The following SUGCT variants were observed in gnomAD, a reference collection of about 807,000 sequenced individuals.
SUGCT encodes the protein succinyl-CoA:glutarate-CoA transferase.
In SUGCT, 41 loss-of-function variants were observed where a neutral mutation model predicts 55.0. The observed-to-expected ratio is 0.74, with a 90% confidence interval of 0.58 to 0.97. The LOEUF (loss-of-function observed/expected upper bound fraction) is 0.97. Ranked by LOEUF, SUGCT falls within the 50% of genes least tolerant of loss-of-function variation. The pLI is 0.00. For missense variants in SUGCT, 568 were observed against 547.8 expected (o/e 1.04, Z -0.37); for synonymous variants, 187 against 200.4 (o/e 0.93, Z 0.56).
chr7:40,326,615 C>T (rs1381175110), intron 9 of SUGCT, among the ~76,000 whole-genome samples: 2 of 152,018 alleles, frequency 1.3e-5, no homozygotes, highest in African/African-American at 4.8e-5. Flanking sequence ...AAATTGTAGC[C>T]TTCAGCTCAT....
At chr7:40,419,990 T>A (rs1004597855) in intron 9 of SUGCT, among the ~76,000 whole-genome samples, 5 of 152,176 alleles carry the variant, frequency 3.3e-5, no homozygotes, top group African/African-American at 4.8e-5. Context: ...AACCATGTGC[T>A]TTTTCTCCCT....
At chr7:40,279,950 C>T (rs1248913988) in intron 8 of SUGCT, among the ~76,000 whole-genome samples, 1 of 151,996 alleles carries the variant, frequency 6.6e-6, no homozygotes, top group Non-Finnish European at 1.5e-5. Flanking sequence ...CAATTTCATG[C>T]AGTAGTAAAA....
chr7:41,035,103 C>T, the SUGCT span, among the ~76,000 whole-genome samples: 1 of 152,204 alleles, frequency 6.6e-6, no homozygotes, highest in Admixed American at 6.5e-5. Context: ...TTCCTGTAGT[C>T]AGTAGAGGGG....
chr7:41,032,351 T>A, the SUGCT span, among the ~76,000 whole-genome samples: 2 of 152,084 alleles, frequency 1.3e-5, no homozygotes, highest in South Asian at 4.1e-4. Flanking sequence ...TTTTTTTTCT[T>A]TTTCAGTGGA....
intron 9 of SUGCT, among the ~76,000 whole-genome samples, chr7:40,334,407 G>T (rs1003823286): frequency 6.6e-6 from 1 of 152,124 alleles, no homozygotes. Context: ...TCCTCTCCCA[G>T]CACCTGTTGT....
intron 6 of SUGCT, among the ~76,000 whole-genome samples, chr7:40,216,813 G>A (rs1310263390): frequency 2.7e-5 from 4 of 150,920 alleles, no homozygotes; most frequent in South Asian, 2.1e-4. Context: ...CTGAGAGTGC[G>A]CCATTGCACT....
At chr7:40,178,411 G>A (rs1785027055) in intron 1 of SUGCT, among the ~76,000 whole-genome samples, 4 of 152,088 alleles carry the variant, frequency 2.6e-5, no homozygotes, top group African/African-American at 7.2e-5. Context: ...TAATTTTTCC[G>A]AGAAAGGATG....
intron 9 of SUGCT, among the ~76,000 whole-genome samples, chr7:40,330,169 G>A (rs1796234888): frequency 6.6e-6 from 1 of 152,200 alleles, no homozygotes; most frequent in South Asian, 2.1e-4. Flanking sequence ...CCTGAAATTA[G>A]CATCAGCCTC....
chr7:40,764,291 GA>G (rs1788671459), intron 13 of SUGCT, among the ~76,000 whole-genome samples: 1 of 152,028 alleles, frequency 6.6e-6, no homozygotes, highest in Non-Finnish European at 1.5e-5. Context: ...AATGTAGATT[GA>G]AAAAAATTAA....
intron 12 of SUGCT, among the ~76,000 whole-genome samples, chr7:40,512,914 G>C (rs1418989844): frequency 6.6e-6 from 1 of 152,058 alleles, no homozygotes; most frequent in Non-Finnish European, 1.5e-5. Flanking sequence ...TCAAATTGTA[G>C]CACCATATAC....
At chr7:40,714,386 C>T (rs1785900117) in intron 12 of SUGCT, among the ~76,000 whole-genome samples, 1 of 152,038 alleles carries the variant, frequency 6.6e-6, no homozygotes, top group Non-Finnish European at 1.5e-5. Flanking sequence ...AACATAACTA[C>T]TCATCCCCCA....
At chr7:40,667,609 C>T (rs529902070) in intron 12 of SUGCT, among the ~76,000 whole-genome samples, 21 of 148,162 alleles carry the variant, frequency 1.4e-4, no homozygotes, top group African/African-American at 3.7e-4. Context: ...TTTTTAATTA[C>T]GAATTCAGTT....
At chr7:40,594,764 C>T (rs1797914163) in intron 12 of SUGCT, among the ~76,000 whole-genome samples, 1 of 152,138 alleles carries the variant, frequency 6.6e-6, no homozygotes, top group Non-Finnish European at 1.5e-5. Flanking sequence ...TTCCCAAATC[C>T]CACATTTATG....
chr7:40,277,479 T>A (rs1420599608), intron 8 of SUGCT, among the ~76,000 whole-genome samples: 4 of 152,028 alleles, frequency 2.6e-5, no homozygotes, highest in Non-Finnish European at 2.9e-5. Flanking sequence ...CGTGAGCCAC[T>A]GCACCCAGCC....
chr7:41,011,041 G>A, the SUGCT span, among the ~76,000 whole-genome samples: 2 of 152,204 alleles, frequency 1.3e-5, no homozygotes, highest in African/African-American at 4.8e-5. Flanking sequence ...CCTTTGAAGG[G>A]TTTGGACATT....
intron 8 of SUGCT, among the ~76,000 whole-genome samples, chr7:40,301,790 G>A (rs2151079009): frequency 6.6e-6 from 1 of 152,280 alleles, no homozygotes; most frequent in East Asian, 1.9e-4. Flanking sequence ...TCAGATGTAG[G>A]GAGAGTGTCT....
intron 6 of SUGCT, among the ~76,000 whole-genome samples, chr7:40,218,375 G>A (rs1013918576): frequency 5.3e-5 from 8 of 152,228 alleles, no homozygotes; most frequent in African/African-American, 1.4e-4. Flanking sequence ...CAAATGAAGT[G>A]GGGGGAAAAG....
At chr7:40,955,896 G>C in the SUGCT span, among the ~76,000 whole-genome samples, 1 of 152,004 alleles carries the variant, frequency 6.6e-6, no homozygotes, top group African/African-American at 2.4e-5. Context: ...TTATGTGATT[G>C]TTGTCATTGA....
At chr7:41,014,710 A>T in the SUGCT span, among the ~76,000 whole-genome samples, 3 of 152,190 alleles carry the variant, frequency 2.0e-5, no homozygotes, top group African/African-American at 7.2e-5. Context: ...AAGGAAAAGA[A>T]AACTTGGGAG....
Sources: gnomAD v4.1 joint callset for allele counts (sites outside exome capture counted in the v4.1 genomes callset) on GRCh38, gnomAD v4.1.1 for gene constraint, MANE v1.5 for transcripts, NCBI Gene and HGNC (gene_info 2026-07-23, HGNC 2026-07-21) for gene names.